Variants in EFHC2 observed in about 807,000 individuals in gnomAD.
The protein encoded by EFHC2 is EF-hand domain-containing family member C2.
EFHC2 carries 18 observed loss-of-function variants against 52.7 expected under a neutral mutation model. The ratio of observed to expected loss-of-function variants is 0.34; its 90% CI spans 0.24 to 0.51. The LOEUF (loss-of-function observed/expected upper bound fraction) is 0.51, where lower values mean the gene tolerates loss of function less well. EFHC2 is among the 20% of genes least tolerant of loss of function. The pLI, the probability that EFHC2 is intolerant of heterozygous loss-of-function variation, is 0.97. For synonymous variants in EFHC2, 203 were observed against 204.1 expected (o/e 0.99, Z 0.04); for missense variants, 513 against 562.5 (o/e 0.91, Z 0.89).
At chrX:44,212,163 T>G (rs1218140695) in intron 11 of EFHC2, among the ~76,000 whole-genome samples, 3 of 110,581 alleles carry the variant, frequency 2.7e-5, no homozygotes, top group Non-Finnish European at 5.7e-5. Context: ...GTGGGAGGAC[T>G]GCTTAAGCCC....
chrX:44,285,393 G>A (rs748802159), intron 2 of EFHC2: 1 of 112,346 alleles, frequency 8.9e-6, no homozygotes, highest in Admixed American at 9.4e-5. Flanking sequence ...TATGGAGGAC[G>A]TGCATCTAGC....
intron 11 of EFHC2, among the ~76,000 whole-genome samples, chrX:44,221,754 C>T (rs2037195371): frequency 9.0e-6 from 1 of 111,620 alleles, no homozygotes; most frequent in African/African-American, 3.2e-5. Flanking sequence ...AGAATTTTCA[C>T]AATATTGTCT....
At chrX:44,253,212 G>A (rs2037465255) in intron 4 of EFHC2, among the ~76,000 whole-genome samples, 2 of 109,920 alleles carry the variant, frequency 1.8e-5, no homozygotes, top group South Asian at 7.9e-4. Context: ...CAGCTGTTTG[G>A]GCAGACACCA....
intron 14 of EFHC2, among the ~76,000 whole-genome samples, chrX:44,150,717 T>C (rs750776456): frequency 1.8e-5 from 2 of 111,616 alleles, no homozygotes; most frequent in Non-Finnish European, 3.8e-5. Context: ...GAGATGCTGC[T>C]GCAGGAGAAC....
intron 2 of EFHC2, among the ~76,000 whole-genome samples, chrX:44,305,269 A>T (rs750924522): frequency 3.4e-4 from 38 of 111,206 alleles, no homozygotes; most frequent in Non-Finnish European, 6.0e-4. Flanking sequence ...CTCAAAAAAA[A>T]ATAATAAAAT....
At chrX:44,218,276 A>G (rs943691524) in intron 11 of EFHC2, among the ~76,000 whole-genome samples, 55 of 111,275 alleles carry the variant, frequency 4.9e-4, no homozygotes, top group Non-Finnish European at 5.7e-5. Context: ...AAACTATAAG[A>G]TTTGAGAAAA....
chrX:44,178,129 T>TCACACA (rs201977577), intron 12 of EFHC2, among the ~76,000 whole-genome samples: 1,345 of 83,922 alleles, frequency 0.016, 10 homozygotes, highest in Non-Finnish European at 0.022. Flanking sequence ...AGATGCCATA[T>TCACACA]CACACACACA....
At chrX:44,309,461 C>T in intron 2 of EFHC2, 5 of 1,186,950 alleles carry the variant, frequency 4.2e-6, no homozygotes, top group South Asian at 1.8e-5. Context: ...ACTCCGAAAA[C>T]CTTGCTAAAA....
At chrX:44,295,782 G>A (rs2037822631) in intron 2 of EFHC2, among the ~76,000 whole-genome samples, 1 of 111,026 alleles carries the variant, frequency 9.0e-6, no homozygotes, top group Admixed American at 9.6e-5. Context: ...TCTTATTTGT[G>A]TAAGCATACA....
chrX:44,271,277 C>T (rs2037615518), intron 3 of EFHC2, among the ~76,000 whole-genome samples: 1 of 111,321 alleles, frequency 9.0e-6, no homozygotes, highest in Admixed American at 9.6e-5. Context: ...CCACGTTAGG[C>T]AGCTATTCTA....
chrX:44,210,876 A>G (rs1363549846), intron 11 of EFHC2, among the ~76,000 whole-genome samples: 1 of 112,391 alleles, frequency 8.9e-6, no homozygotes, highest in East Asian at 2.8e-4. Flanking sequence ...ACACTTTTAA[A>G]AGAATAAAAT....
At chrX:44,285,669 A>T (rs954491551) in intron 2 of EFHC2, 2 of 139,162 alleles carry the variant, frequency 1.4e-5, no homozygotes, top group African/African-American at 6.2e-5. Context: ...TTTGCCCATT[A>T]TTATAACAAC....
At chrX:44,271,351 T>C (rs1480537110) in intron 3 of EFHC2, among the ~76,000 whole-genome samples, 1 of 111,673 alleles carries the variant, frequency 9.0e-6, no homozygotes, top group Non-Finnish European at 1.9e-5. Flanking sequence ...TGGAAAGACA[T>C]GGACATATTC....
chrX:44,247,826 G>A (rs955399693), intron 7 of EFHC2, among the ~76,000 whole-genome samples: 1 of 112,047 alleles, frequency 8.9e-6, no homozygotes, highest in African/African-American at 3.2e-5. Flanking sequence ...CTTAAAACCT[G>A]GCTGAGCCTC....
intron 2 of EFHC2, among the ~76,000 whole-genome samples, chrX:44,297,810 AG>A (rs1285050663): frequency 1.9e-5 from 2 of 108,040 alleles, no homozygotes; most frequent in Admixed American, 2.0e-4. Flanking sequence ...AGCAACTGCA[AG>A]GCCAGAAACA....
chrX:44,240,057 A>G (rs981947772), intron 8 of EFHC2, among the ~76,000 whole-genome samples: 13 of 112,437 alleles, frequency 1.2e-4, no homozygotes, highest in African/African-American at 4.2e-4. Context: ...TATATATATA[A>G]TCAATGTGTC....
intron 4 of EFHC2, among the ~76,000 whole-genome samples, chrX:44,259,002 G>C (rs1331879198): frequency 9.0e-6 from 1 of 111,393 alleles, no homozygotes; most frequent in Admixed American, 9.5e-5. Flanking sequence ...AATTCCTTAA[G>C]GATCTAGAAC....
chrX:44,268,166 C>T (rs1296691535), intron 3 of EFHC2, among the ~76,000 whole-genome samples: 1 of 111,646 alleles, frequency 9.0e-6, no homozygotes. Context: ...GGAAAATTTC[C>T]AGAGACTTTA....
intron 4 of EFHC2, among the ~76,000 whole-genome samples, chrX:44,254,432 C>A (rs1275573410): frequency 8.9e-6 from 1 of 111,959 alleles, no homozygotes; most frequent in African/African-American, 3.3e-5. Context: ...ACATAAATGA[C>A]CTGATGGAGC....
Sources: allele counts gnomAD v4.1 joint callset (sites outside exome capture counted in the v4.1 genomes callset), GRCh38; gene constraint gnomAD v4.1.1; transcripts MANE v1.5; gene names NCBI Gene and HGNC (gene_info 2026-07-23, HGNC 2026-07-21).